The following HEG1 variants were observed in gnomAD, a reference collection of about 807,000 sequenced individuals.
HEG1 encodes protein HEG homolog 1.
HEG1 carries 56 observed loss-of-function variants against 125.6 expected under a neutral mutation model. That is an observed-to-expected ratio of 0.45 (90% CI 0.36 to 0.56). HEG1 has a LOEUF of 0.56. HEG1 is among the 20% of genes least tolerant of loss of function. HEG1 has a pLI of 0.00. For missense variants in HEG1, 1,523 were observed against 1,670.0 expected, an observed-to-expected ratio of 0.91 and a Z score of 1.53; for synonymous variants, 644 against 668.5, an observed-to-expected ratio of 0.96 and a Z score of 0.57.
At chr3:125,014,546 G>A (rs188718732) in intron 5 of HEG1, among the ~76,000 whole-genome samples, 1 of 152,222 alleles carries the variant, frequency 6.6e-6, no homozygotes, top group Admixed American at 6.5e-5. Context: ...GGGAACTGGG[G>A]AGGGGTATTC....
chr3:124,992,169 G>A (rs954292597), intron 12 of HEG1, among the ~76,000 whole-genome samples: 14 of 152,172 alleles, frequency 9.2e-5, no homozygotes. Flanking sequence ...AGTCTGTGTA[G>A]GGGATTTCGG....
rs1936573870 is a variant in HEG1, at chr3:124,977,879, T to C, written c.3801A>G (p.Ala1267=). 1 of 1,574,916 alleles carries C rather than the reference T, an allele frequency of 6.3e-7. No individual in the cohort carries two copies. Among genetic ancestry groups the C allele is most frequent in the Non-Finnish European group, 8.6e-7 (1 of 1,159,926 alleles). Residue 1267 remains alanine, a synonymous_variant, in exon 15 of 17, where the codon GCA becomes GCG. Transcript: ENST00000311127. The part of the protein sequence containing the change: ...GGGLLLILGI[A]LIVTCCRKNK... Reference sequence around the variant, plus strand: ...CTTACCTGCAACAGGTAACAATCAGTGCGATGCCTAGGATGAGCAGGAGCC... The same window carrying C: ...CTTACCTGCAACAGGTAACAATCAGCGCGATGCCTAGGATGAGCAGGAGCC...
At position 124,978,728 on chromosome 3, in the gene HEG1, G is replaced by A. The variant is rs191055000; in HGVS notation, c.3734-782C>T. On this transcript the variant is annotated intron_variant, in intron 14 of 16. Coordinates refer to ENST00000311127, the MANE Select transcript of HEG1 (RefSeq NM_020733.2). ...TTATTAAAGTAATGGATGGGTCCAG[G>A]AGACCGAGGTTGCTGTGAGCCGAGA... is the stretch of plus-strand genomic sequence containing the variant. 2.6e-4 allele frequency among the ~76,000 whole-genome samples: 39 copies of A among 151,770 alleles called. No homozygotes were observed. In the East Asian group the frequency reaches 7.1e-3, roughly 28 times the overall value.
chr3:125,051,163 A>G (rs1937796734), intron 1 of HEG1, among the ~76,000 whole-genome samples: 1 of 152,246 alleles, frequency 6.6e-6, no homozygotes, highest in African/African-American at 2.4e-5. Context: ...CAATCTCTAT[A>G]TAAAATGTCA....
At chr3:125,032,064 CTTT>C (rs1404838246) in intron 1 of HEG1, among the ~76,000 whole-genome samples, 1 of 152,062 alleles carries the variant, frequency 6.6e-6, no homozygotes, top group Non-Finnish European at 1.5e-5. Flanking sequence ...ATTTTATATT[CTTT>C]TTTTGGTGTT....
chr3:125,027,267 T>A lies in HEG1; in HGVS notation c.851A>T (p.Asp284Val), dbSNP rs758652024. 1 of 1,613,042 alleles carries A rather than the reference T, an allele frequency of 6.2e-7. No individual in the cohort carries two copies. Among genetic ancestry groups the A allele is most frequent in the Admixed American group, 1.7e-5 (1 of 59,930 alleles). ...PSRKRNSSGP[D>V]LSWLHFYRTA... ...CCTGTAGAAATGCAGCCAGGAGAGA[T>A]CTGGTCCTGAGGAATTTCTCTTCCT... is the stretch of plus-strand genomic sequence containing the variant. The change falls in exon 3 of 17, where the codon GAT (aspartate) becomes GTT (valine). Residue 284 changes from aspartate to valine, a missense_variant. By Grantham distance (152) the Asp-to-Val change is radical. Transcript: ENST00000311127.
At chr3:125,038,851 G>A (rs1937569212) in intron 1 of HEG1, among the ~76,000 whole-genome samples, 1 of 152,194 alleles carries the variant, frequency 6.6e-6, no homozygotes, top group African/African-American at 2.4e-5. Context: ...TTCAGAGCCT[G>A]GGCCCAATGA....
chr3:125,027,355 T>C lies in HEG1; in HGVS notation c.763A>G (p.Thr255Ala). Residue 255 changes from threonine (T) to alanine (A), a missense_variant, in exon 3 of 17, where the codon ACT becomes GCT. Transcript: ENST00000311127. ...EWTVHSQEATTSAWSPSFLPA... is the reference protein window; with the variant it reads ...EWTVHSQEATASAWSPSFLPA... ...AGAAAGGACGGGCTCCAAGCCGAAG[T>C]GGTGGCCTCTTGGCTGTGCACAGTC... 2 of 1,614,010 alleles carry C rather than the reference T, an allele frequency of 1.2e-6. No individual in the cohort carries two copies. Among genetic ancestry groups the C allele is most frequent in the Non-Finnish European group, 8.5e-7 (1 of 1,179,888 alleles).
chr3:124,997,834 A>G lies in HEG1; in HGVS notation c.3518-11T>C. On this transcript the variant is annotated splice_polypyrimidine_tract_variant and intron_variant, in intron 11 of 16. Transcript: ENST00000311127. Reference sequence around the variant, plus strand: ...TGCACAAGCTGCCCGCTGGAATGGAAAAACAAGACAGTGAAACAAAACAAA... The same window carrying G: ...TGCACAAGCTGCCCGCTGGAATGGAGAAACAAGACAGTGAAACAAAACAAA... 2.6e-6 allele frequency: 4 copies of G among 1,565,150 alleles called. No individual in the cohort carries two copies. The South Asian group carries it at 3.6e-5, about 14-fold the overall frequency.
chr3:124,980,365 A>G (rs1488001934), intron 14 of HEG1, among the ~76,000 whole-genome samples: 2 of 152,190 alleles, frequency 1.3e-5, no homozygotes, highest in South Asian at 2.1e-4. Context: ...CTCACTTCCA[A>G]CAAAACAAGT....
At chr3:125,031,273 G>T (rs889360906) in intron 1 of HEG1, among the ~76,000 whole-genome samples, 3 of 152,080 alleles carry the variant, frequency 2.0e-5, no homozygotes, top group Non-Finnish European at 4.4e-5. Context: ...CTGAGTGCTG[G>T]GTCACTGCTG....
At chr3:125,039,502 C>A (rs759372866) in intron 1 of HEG1, among the ~76,000 whole-genome samples, 3 of 152,182 alleles carry the variant, frequency 2.0e-5, no homozygotes, top group Non-Finnish European at 4.4e-5. Flanking sequence ...GGCCAAATGA[C>A]AAGCGCTGCC....
chr3:124,977,905 C>A lies in HEG1; in HGVS notation c.3775G>T (p.Gly1259Trp). 6.3e-7 allele frequency: 1 copy of A among 1,581,300 alleles called. No homozygotes were observed. The highest frequency in any genetic ancestry group is 8.6e-7 in the Non-Finnish European group (1 of 1,163,642). Residue 1259 changes from glycine (G) to tryptophan (W), a missense_variant, in exon 15 of 17, where the codon GGG (glycine) becomes TGG (tryptophan). Gly to Trp is a radical substitution (Grantham distance 184). Coordinates refer to ENST00000311127, the MANE Select transcript of HEG1 (RefSeq NM_020733.2). ...GCGATGCCTAGGATGAGCAGGAGCC[C>A]ACCTCCCGCGGCTGCGATCACCACA... The part of the protein sequence containing the change: ...ITVVIAAAGG[G>W]LLLILGIALI...
chr3:124,970,951 A>G (rs1936412748), intron 16 of HEG1, 150 bp from the exon 17 acceptor site: 1 of 717,442 alleles, frequency 1.4e-6, no homozygotes, highest in African/African-American at 1.8e-5. Context: ...TAATTTTTTT[A>G]AAGTATCTTT....
chr3:124,989,891 T>C (rs1443861214), intron 14 of HEG1, among the ~76,000 whole-genome samples: 1 of 152,234 alleles, frequency 6.6e-6, no homozygotes, highest in Non-Finnish European at 1.5e-5. Flanking sequence ...CTCCTCAGCC[T>C]GGTGATCCCA....
At chr3:125,023,359 T>G (rs1937365236) in intron 3 of HEG1, among the ~76,000 whole-genome samples, 1 of 152,166 alleles carries the variant, frequency 6.6e-6, no homozygotes, top group Admixed American at 6.5e-5. Flanking sequence ...ATGCTGAAAG[T>G]CATGAAAGGA....
At chr3:125,008,082 G>A (rs907200510) in intron 8 of HEG1, among the ~76,000 whole-genome samples, 6 of 152,024 alleles carry the variant, frequency 3.9e-5, no homozygotes, top group African/African-American at 1.5e-4. Flanking sequence ...GCTAATTTGT[G>A]TAATTTTAGT....
rs934534029 is a variant in HEG1 at position 125,010,473 on chromosome 3, G to A, written c.3039C>T (p.Cys1013=). The A allele has an allele frequency of 6.4e-7, 1 of 1,558,284 alleles. No individual in the cohort carries two copies. Among genetic ancestry groups the A allele is most frequent in the African/African-American group, 1.4e-5 (1 of 73,602 alleles). ...DNTSRGYHCR[C]PPSWQGDDCS... Reference sequence around the variant, plus strand: ...AATCATCCCCTTGCCAGGAAGGCGGGCACCTGCAGTGGTAGCCACGGCTGG... The same window carrying A: ...AATCATCCCCTTGCCAGGAAGGCGGACACCTGCAGTGGTAGCCACGGCTGG... The change falls in exon 7 of 17, where the codon TGC becomes TGT. Residue 1013 remains cysteine (C), a synonymous_variant. Coordinates refer to ENST00000311127, the MANE Select transcript of HEG1 (RefSeq NM_020733.2).
rs763332011 is a variant in HEG1 at position 125,027,119 on chromosome 3, TG to T, written c.913+85del. Reference sequence around the variant, plus strand: ...TGTCTTTTCCCCTTACCCACTATTATGAGTATGTAACTAGCTGGCTATGCAC... The same window carrying T: ...TGTCTTTTCCCCTTACCCACTATTATAGTATGTAACTAGCTGGCTATGCAC... On this transcript the variant is annotated intron_variant, in intron 3 of 16. Coordinates refer to ENST00000311127, the MANE Select transcript of HEG1 (RefSeq NM_020733.2). 1.6e-4 allele frequency: 198 copies of T among 1,231,876 alleles called. 1 individual carries two copies. In the Middle Eastern group the frequency reaches 3.1e-3, roughly 19 times the overall value. 76.3% of individuals were successfully genotyped at this position (1,231,876 alleles called of 1,614,324 possible).
Sources: allele counts gnomAD v4.1 joint callset (sites outside exome capture counted in the v4.1 genomes callset), GRCh38; gene constraint gnomAD v4.1.1; transcripts MANE v1.5; gene names NCBI Gene and HGNC (gene_info 2026-07-23, HGNC 2026-07-21).